Variants in KCNAB1 observed in about 807,000 individuals in gnomAD.
KCNAB1 encodes potassium voltage-gated channel subfamily A regulatory beta subunit 1, also known as voltage-gated potassium channel subunit beta-1.
KCNAB1 carries 35 observed loss-of-function variants against 64.6 expected under a neutral mutation model. The observed-to-expected ratio is 0.54, with a 90% CI of 0.41 to 0.72. The LOEUF (loss-of-function observed/expected upper bound fraction) is 0.72. Ranked by LOEUF, KCNAB1 falls within the 30% of genes least tolerant of loss-of-function variation. KCNAB1 has a pLI of 0.00. For missense variants in KCNAB1, 401 were observed against 512.9 expected (o/e 0.78, Z 2.11); for synonymous variants, 177 against 183.8 (o/e 0.96, Z 0.30).
At chr3:156,453,824 T>G (rs1401679250) in intron 3 of KCNAB1, among the ~76,000 whole-genome samples, 1 of 152,124 alleles carries the variant, frequency 6.6e-6, no homozygotes, top group Non-Finnish European at 1.5e-5. Context: ...ACCGACCTGG[T>G]TTACTAACAT....
chr3:156,498,881 C>T (rs1716189633), intron 8 of KCNAB1, among the ~76,000 whole-genome samples: 1 of 152,184 alleles, frequency 6.6e-6, no homozygotes, highest in Admixed American at 6.5e-5. Context: ...AGAATTGTAA[C>T]AGGGGATAAG....
chr3:156,360,306 A>G (rs1378974358), intron 1 of KCNAB1, among the ~76,000 whole-genome samples: 1 of 152,166 alleles, frequency 6.6e-6, no homozygotes, highest in Non-Finnish European at 1.5e-5. Flanking sequence ...TCACATATCC[A>G]AAACCAAACT....
At chr3:156,166,461 G>A (rs925898014) in intron 1 of KCNAB1, among the ~76,000 whole-genome samples, 4 of 152,010 alleles carry the variant, frequency 2.6e-5, no homozygotes, top group African/African-American at 7.3e-5. Context: ...GAATGAATGC[G>A]CAATCCCAAA....
intron 2 of KCNAB1, among the ~76,000 whole-genome samples, chr3:156,425,105 A>C (rs528808900): frequency 6.6e-6 from 1 of 152,346 alleles, no homozygotes; most frequent in African/African-American, 2.4e-5. Context: ...CCAGCTGTCA[A>C]ATCCAAATGG....
intron 1 of KCNAB1, among the ~76,000 whole-genome samples, chr3:156,383,248 T>C (rs1209128885): frequency 6.6e-6 from 1 of 152,180 alleles, no homozygotes; most frequent in Non-Finnish European, 1.5e-5. Context: ...CAAGTTGGCC[T>C]GAAAGCCAAC....
At chr3:156,358,726 C>G (rs915591159) in intron 1 of KCNAB1, among the ~76,000 whole-genome samples, 2 of 151,936 alleles carry the variant, frequency 1.3e-5, no homozygotes, top group African/African-American at 4.8e-5. Flanking sequence ...AGTTCCAGCT[C>G]CCTTTCTTCC....
intron 1 of KCNAB1, among the ~76,000 whole-genome samples, chr3:156,246,220 A>T (rs1246681494): frequency 1.3e-5 from 2 of 152,202 alleles, no homozygotes; most frequent in Non-Finnish European, 2.9e-5. Context: ...TAATGCAGTC[A>T]TGGAAAATTC....
intron 8 of KCNAB1, among the ~76,000 whole-genome samples, chr3:156,486,723 G>A (rs986351811): frequency 4.6e-5 from 7 of 152,178 alleles, no homozygotes; most frequent in African/African-American, 1.7e-4. Flanking sequence ...GGAGGACAGG[G>A]ATTTGAGGGA....
At position 156,405,137 on chromosome 3, in the gene KCNAB1, G is replaced by C. The variant is rs540169855; in HGVS notation, c.276-16479G>C. 2.0e-5 allele frequency among the ~76,000 whole-genome samples: 3 copies of C among 152,322 alleles called. No homozygotes were observed. The South Asian group carries it at 6.2e-4, about 32-fold the overall frequency. On this transcript the variant is annotated intron_variant, in intron 1 of 13. Coordinates refer to ENST00000490337, the MANE Select transcript of KCNAB1 (RefSeq NM_172160.3). ...CTGAGGTTAGAAGCTCCCTCTACCT[G>C]TAAAAAGCAGGCCCAGTGAGGGGCT...
At chr3:156,332,324 C>T (rs1042174788) in intron 1 of KCNAB1, among the ~76,000 whole-genome samples, 1 of 152,122 alleles carries the variant, frequency 6.6e-6, no homozygotes, top group African/African-American at 2.4e-5. Flanking sequence ...AAGGATCCCA[C>T]CCCTTCACCA....
In KCNAB1 at chr3:156,489,902, T is replaced by G. The variant is rs537395985; in HGVS notation, c.658+15082T>G. Among the ~76,000 whole-genome samples the G allele has an allele frequency of 1.7e-3, 255 of 152,094 alleles. 2 individuals carry two copies. The highest frequency in any genetic ancestry group is 6.1e-3 in the African/African-American group (253 of 41,492). On this transcript the variant is annotated intron_variant, in intron 8 of 13. Coordinates refer to ENST00000490337, the MANE Select transcript of KCNAB1 (RefSeq NM_172160.3). ...TTAGAGAATCCAATGTCACGGAAGA[T>G]GGGGGTGAGGCAGGGACCAGGAACA...
intron 8 of KCNAB1, among the ~76,000 whole-genome samples, chr3:156,475,798 A>G (rs1169444065): frequency 6.6e-6 from 1 of 152,184 alleles, no homozygotes; most frequent in Non-Finnish European, 1.5e-5. Flanking sequence ...AGTATAAATG[A>G]TTGACATATT....
chr3:156,409,041 A>G (rs939241760), intron 1 of KCNAB1, among the ~76,000 whole-genome samples: 23 of 152,170 alleles, frequency 1.5e-4, no homozygotes, highest in African/African-American at 5.5e-4. Flanking sequence ...TGTGACTCCA[A>G]TTGTCAACAT....
intron 1 of KCNAB1, among the ~76,000 whole-genome samples, chr3:156,252,468 G>A (rs968045692): frequency 6.6e-6 from 1 of 152,136 alleles, no homozygotes; most frequent in African/African-American, 2.4e-5. Flanking sequence ...ACAGCTAATG[G>A]ATTTGTTTTT....
At chr3:156,363,479 C>CTT (rs57981797) in intron 1 of KCNAB1, among the ~76,000 whole-genome samples, 2 of 146,606 alleles carry the variant, frequency 1.4e-5, no homozygotes, top group African/African-American at 2.5e-5. Context: ...CTTTGGCAAT[C>CTT]TTTTTTTTTT....
chr3:156,261,778 T>G lies in KCNAB1; in HGVS notation c.275+140892T>G, dbSNP rs367974319. Reference sequence around the variant, plus strand: ...TGTTAATTTTTACAAAAGCAGTTGCTGGGATTTTGATAGGGATTGTATTGA... The same window carrying G: ...TGTTAATTTTTACAAAAGCAGTTGCGGGGATTTTGATAGGGATTGTATTGA... On this transcript the variant is annotated intron_variant, in intron 1 of 13. Transcript: ENST00000490337. Among the ~76,000 whole-genome samples, 8 of 152,104 alleles carry G rather than the reference T, an allele frequency of 5.3e-5. No homozygotes were observed. The East Asian group carries it at 1.2e-3, about 22-fold the overall frequency.
At chr3:156,136,849 G>T (rs569767170) in intron 1 of KCNAB1, among the ~76,000 whole-genome samples, 7 of 152,268 alleles carry the variant, frequency 4.6e-5, no homozygotes, top group Admixed American at 1.3e-4. Flanking sequence ...AGTAGGTGAG[G>T]AGAGTTTTTG....
At chr3:156,151,446 T>G (rs1715406107) in intron 1 of KCNAB1, among the ~76,000 whole-genome samples, 1 of 152,240 alleles carries the variant, frequency 6.6e-6, no homozygotes, top group African/African-American at 2.4e-5. Context: ...TTAGACAAAC[T>G]GTCTAGTACT....
chr3:156,405,534 A>T (rs1220608778), intron 1 of KCNAB1, among the ~76,000 whole-genome samples: 1 of 152,250 alleles, frequency 6.6e-6, no homozygotes, highest in Non-Finnish European at 1.5e-5. Context: ...GATCAGAAAA[A>T]AAGTTTAGAA....
Sources: gnomAD v4.1 joint callset for allele counts (sites outside exome capture counted in the v4.1 genomes callset) on GRCh38, gnomAD v4.1.1 for gene constraint, MANE v1.5 for transcripts, NCBI Gene and HGNC (gene_info 2026-07-23, HGNC 2026-07-21) for gene names.